Variants in SUCLG2 observed in about 807,000 individuals in gnomAD.
The protein encoded by SUCLG2 is succinate--CoA ligase [GDP-forming] subunit beta, mitochondrial.
In SUCLG2, 42 loss-of-function variants were observed where a neutral mutation model predicts 47.9. That is an observed-to-expected ratio of 0.88 (90% CI 0.69 to 1.14). The LOEUF is 1.14. SUCLG2 is among the 50% of genes most tolerant of loss of function. The probability of loss-of-function intolerance (pLI) is 0.00; values close to 1 mark genes in which losing one functional copy is unlikely to be tolerated. For missense variants in SUCLG2, 571 were observed against 525.9 expected, an observed-to-expected ratio of 1.09 and a Z score of -0.84; for synonymous variants, 195 against 197.3, an observed-to-expected ratio of 0.99 and a Z score of 0.10.
intron 2 of SUCLG2, among the ~76,000 whole-genome samples, chr3:67,559,963 C>T (rs2107213518): frequency 6.7e-6 from 1 of 148,210 alleles, no homozygotes. Context: ...GGAGGCTGTG[C>T]AGTTGTCGGG....
chr3:67,625,448 T>A (rs1370964862), intron 1 of SUCLG2, among the ~76,000 whole-genome samples: 1 of 152,088 alleles, frequency 6.6e-6, no homozygotes, highest in Non-Finnish European at 1.5e-5. Context: ...CAGTGGGGAT[T>A]TGGTTCTATG....
chr3:67,470,149 T>C (rs1704569533), intron 9 of SUCLG2, among the ~76,000 whole-genome samples: 1 of 152,028 alleles, frequency 6.6e-6, no homozygotes, highest in African/African-American at 2.4e-5. Context: ...ATAAATCTGA[T>C]CTAATTCAGG....
chr3:67,376,173 C>T (rs1326515987), intron 10 of SUCLG2: 1 of 915,742 alleles, frequency 1.1e-6, no homozygotes, highest in Non-Finnish European at 1.3e-6. Flanking sequence ...CACCAGAAGT[C>T]ACTTGTCTTA....
intron 2 of SUCLG2, among the ~76,000 whole-genome samples, chr3:67,599,059 ATAC>A (rs2107293444): frequency 6.6e-6 from 1 of 152,332 alleles, no homozygotes; most frequent in South Asian, 2.1e-4. Flanking sequence ...ACTTTAGGGT[ATAC>A]AACTCTGCTA....
chr3:67,385,679 C>A (rs960312975), intron 10 of SUCLG2, among the ~76,000 whole-genome samples: 16 of 152,248 alleles, frequency 1.1e-4, no homozygotes, highest in Admixed American at 5.2e-4. Flanking sequence ...CTGCCTAATT[C>A]TGGGGCTTAG....
At chr3:67,491,361 C>CT (rs549763218) in intron 9 of SUCLG2, among the ~76,000 whole-genome samples, 5,061 of 125,740 alleles carry the variant, frequency 0.04, 226 homozygotes, top group African/African-American at 0.089. Flanking sequence ...TTTTCTTTTA[C>CT]TTTTTTTTTT....
At chr3:67,452,103 T>C (rs1015007058) in intron 9 of SUCLG2, among the ~76,000 whole-genome samples, 1 of 152,170 alleles carries the variant, frequency 6.6e-6, no homozygotes, top group Non-Finnish European at 1.5e-5. Flanking sequence ...AAATAACTTC[T>C]GGTGATTAAC....
intron 1 of SUCLG2, among the ~76,000 whole-genome samples, chr3:67,640,404 T>G (rs1049330897): frequency 6.6e-6 from 1 of 152,216 alleles, no homozygotes; most frequent in Non-Finnish European, 1.5e-5. Context: ...AGCCATGCTG[T>G]TGATCAGTGG....
intron 2 of SUCLG2, among the ~76,000 whole-genome samples, chr3:67,534,469 C>A (rs903386709): frequency 1.3e-5 from 2 of 151,776 alleles, no homozygotes; most frequent in Non-Finnish European, 2.9e-5. Context: ...ATATTATGGG[C>A]CACATTAAAA....
At chr3:67,573,222 T>C (rs980855353) in intron 2 of SUCLG2, among the ~76,000 whole-genome samples, 2 of 152,194 alleles carry the variant, frequency 1.3e-5, no homozygotes, top group African/African-American at 4.8e-5. Flanking sequence ...ATTGTGAAGA[T>C]GGCCATACTC....
intron 9 of SUCLG2, among the ~76,000 whole-genome samples, chr3:67,425,454 G>C (rs1703274161): frequency 6.6e-6 from 1 of 152,080 alleles, no homozygotes; most frequent in South Asian, 2.1e-4. Flanking sequence ...TTCATAGACT[G>C]AATAGAGAAT....
chr3:67,534,616 A>G lies in SUCLG2; in HGVS notation c.227-5430T>C, dbSNP rs1706488625. Among the ~76,000 whole-genome samples the G allele has an allele frequency of 2.0e-5, 3 of 151,800 alleles. 1 individual carries two copies. The highest frequency in any genetic ancestry group is 7.2e-5 in the African/African-American group (3 of 41,388). ...AATTATCTCTAGAAAAACCCAATTC[A>G]GTTGTAACATCTTACTATTCTCAGT... On this transcript the variant is annotated intron_variant, in intron 2 of 10. Coordinates refer to ENST00000307227, the MANE Select transcript of SUCLG2 (RefSeq NM_003848.4).
intron 9 of SUCLG2, among the ~76,000 whole-genome samples, chr3:67,443,025 T>C (rs921450443): frequency 3.3e-5 from 5 of 152,202 alleles, no homozygotes; most frequent in Admixed American, 6.5e-5. Context: ...GTTTTGCCTG[T>C]GCTTAACATG....
chr3:67,631,621 C>T (rs1438849701), intron 1 of SUCLG2, among the ~76,000 whole-genome samples: 2 of 151,688 alleles, frequency 1.3e-5, no homozygotes, highest in Admixed American at 6.6e-5. Flanking sequence ...AGTGAGACTC[C>T]GTTTCAAAAA....
At chr3:67,653,257 T>C (rs1267809948) in intron 1 of SUCLG2, among the ~76,000 whole-genome samples, 1 of 152,224 alleles carries the variant, frequency 6.6e-6, no homozygotes, top group East Asian at 1.9e-4. Context: ...TAGGACTTCA[T>C]CTCCTAGAGC....
chr3:67,447,343 G>T (rs1296539529), intron 9 of SUCLG2, among the ~76,000 whole-genome samples: 1 of 152,134 alleles, frequency 6.6e-6, no homozygotes, highest in Non-Finnish European at 1.5e-5. Context: ...TTTAAATATA[G>T]AAAATATGAT....
chr3:67,493,656 C>T (rs1575733340), intron 9 of SUCLG2, among the ~76,000 whole-genome samples: 1 of 152,086 alleles, frequency 6.6e-6, no homozygotes, highest in South Asian at 2.1e-4. Context: ...CACAGAGTTT[C>T]AGTAGACGCT....
intron 2 of SUCLG2, among the ~76,000 whole-genome samples, chr3:67,575,918 T>C (rs1707730001): frequency 6.6e-6 from 1 of 152,202 alleles, no homozygotes; most frequent in Non-Finnish European, 1.5e-5. Flanking sequence ...AGCTGTTCTC[T>C]GGATTCCTAA....
intron 2 of SUCLG2, among the ~76,000 whole-genome samples, chr3:67,585,325 A>G (rs751025329): frequency 2.6e-5 from 4 of 152,000 alleles, no homozygotes; most frequent in Non-Finnish European, 5.9e-5. Flanking sequence ...TTTGGCTCCA[A>G]CTCTCTCTTA....
Sources: gnomAD v4.1 joint callset for allele counts (sites outside exome capture counted in the v4.1 genomes callset) on GRCh38, gnomAD v4.1.1 for gene constraint, MANE v1.5 for transcripts, NCBI Gene and HGNC (gene_info 2026-07-23, HGNC 2026-07-21) for gene names.